Variants in SLC22A14 observed in about 807,000 individuals in gnomAD.
The protein encoded by SLC22A14 is organic cation transporter-like 4.
A neutral mutation model predicts 53.9 loss-of-function variants in SLC22A14; 50 were observed. The observed-to-expected ratio is 0.93, with a 90% CI of 0.74 to 1.17. The LOEUF (loss-of-function observed/expected upper bound fraction) is 1.17. Among genes scored for constraint, SLC22A14 ranks in the 50% most tolerant of loss-of-function variants. SLC22A14 has a pLI of 0.00. For missense variants in SLC22A14, 671 were observed against 734.7 expected (o/e 0.91, Z 1.00); for synonymous variants, 312 against 303.0 (o/e 1.03, Z -0.31).
In SLC22A14 at chr3:38,313,904, C is replaced by T; in HGVS notation, c.1341C>T (p.Ala447=). Residue 447 remains alanine (A), a synonymous_variant, in exon 8 of 11, where the codon GCC becomes GCT. Transcript: ENST00000448498. ...GCCTGGCTGTGACTCTCCTCCAAGC[C>T]ATCATCTGGTGCTTGCTTCTCCTTT... The part of the protein sequence containing the change: ...KWSLAVTLLQ[A]IIWCLLLLFL... 6.2e-7 allele frequency: 1 copy of T among 1,614,012 alleles called. No individual in the cohort carries two copies. The highest frequency in any genetic ancestry group is 1.3e-5 in the African/African-American group (1 of 75,006).
At chr3:38,301,936 T>C (rs1704168924) in intron 1 of SLC22A14, among the ~76,000 whole-genome samples, 1 of 151,586 alleles carries the variant, frequency 6.6e-6, no homozygotes, top group Non-Finnish European at 1.5e-5. Flanking sequence ...TATAAGTATT[T>C]ATATATTATC....
intron 1 of SLC22A14, among the ~76,000 whole-genome samples, chr3:38,296,585 G>A (rs113657841): frequency 0.036 from 5,345 of 150,438 alleles, 302 homozygotes; most frequent in African/African-American, 0.12. Flanking sequence ...CCAAGATGGT[G>A]GCAGGCCACT....
intron 8 of SLC22A14, among the ~76,000 whole-genome samples, chr3:38,314,743 G>A (rs1174931602): frequency 1.3e-5 from 2 of 152,248 alleles, no homozygotes; most frequent in African/African-American, 2.4e-5. Flanking sequence ...TGCTGGCAGT[G>A]TAGATTGGCT....
intron 1 of SLC22A14, among the ~76,000 whole-genome samples, chr3:38,301,045 C>T (rs1704148317): frequency 6.6e-6 from 1 of 152,102 alleles, no homozygotes; most frequent in African/African-American, 2.4e-5. Context: ...TCTTGAACTC[C>T]TGGCCTCAGG....
At position 38,315,664 on chromosome 3, in the gene SLC22A14, C is replaced by G; in HGVS notation, c.1485C>G (p.Val495=). 1 of 1,614,096 alleles carries G rather than the reference C, an allele frequency of 6.2e-7. No homozygotes were observed. The highest frequency in any genetic ancestry group is 8.5e-7 in the Non-Finnish European group (1 of 1,180,024). ...GAGAGTTCAGCCTGGCCGCCACTGT[C>G]ACTGTGTTCTTCCTCTACACCGCTG... ...MLREFSLAAT[V]TVFFLYTAEL... Residue 495 remains valine (V), a synonymous_variant, in exon 9 of 11, where the codon GTC becomes GTG. Transcript: ENST00000448498.
chr3:38,313,963 T>G lies in SLC22A14; in HGVS notation c.1378+22T>G, dbSNP rs559103205. 4 of 1,601,262 alleles carry G rather than the reference T, an allele frequency of 2.5e-6. No homozygotes were observed. The East Asian group carries it at 8.9e-5, about 36-fold the overall frequency. On this transcript the variant is annotated intron_variant, in intron 8 of 10. Coordinates refer to ENST00000448498, the MANE Select transcript of SLC22A14 (RefSeq NM_001320033.2). ...GAAGGTACAGCTCATCCTTCCCCTG[T>G]GGCCTGCCCACAGCCTTCCTGCTTC... is the stretch of plus-strand genomic sequence containing the variant.
At chr3:38,285,436 G>A (rs1004023235) in intron 1 of SLC22A14, among the ~76,000 whole-genome samples, 2 of 152,188 alleles carry the variant, frequency 1.3e-5, no homozygotes, top group Admixed American at 6.5e-5. Context: ...TCCCCTCAGA[G>A]ATGGTTTCCT....
Position 38,318,309 on chromosome 3 carries a change from T to A in SLC22A14, c.*60T>A. The A allele has an allele frequency of 6.9e-7, 1 of 1,456,906 alleles. No individual in the cohort carries two copies. The highest frequency in any genetic ancestry group is 9.6e-7 in the Non-Finnish European group (1 of 1,036,662). The allele number at this position is 1,456,906 out of a possible 1,614,324, so 90.2% of individuals were successfully genotyped here. A position where few individuals can be genotyped will look rare whatever the true frequency, so the allele number is the denominator to read the frequency against. ...ATCCTGAGATTGGACCCATACCCTGTCTCCAACCCTGCCTTGAAGCAATTC... is the reference window on the plus strand; with the variant it reads ...ATCCTGAGATTGGACCCATACCCTGACTCCAACCCTGCCTTGAAGCAATTC... On this transcript the variant is annotated 3_prime_UTR_variant, in exon 11 of 11. Transcript: ENST00000448498.
chr3:38,307,797 G>C lies in SLC22A14; in HGVS notation c.775+77G>C. 2 of 1,522,880 alleles carry C rather than the reference G, an allele frequency of 1.3e-6. No individual in the cohort carries two copies. The highest frequency in any genetic ancestry group is 2.7e-5 in the African/African-American group (2 of 73,408). The allele number at this position is 1,522,880 out of a possible 1,614,324, so 94.3% of individuals were successfully genotyped here. A position where few individuals can be genotyped will look rare whatever the true frequency, so the allele number is the denominator to read the frequency against. On this transcript the variant is annotated intron_variant, in intron 4 of 10. Coordinates refer to ENST00000448498, the MANE Select transcript of SLC22A14 (RefSeq NM_001320033.2). The surrounding 1 kb of genome is among the most constrained non-coding windows in gnomAD (Gnocchi z 4.4). The stretch of plus-strand genomic sequence containing the variant: ...CATAGGCGGGTGACAAGGGGACATA[G>C]TGGCAGGGGGCGTGGCGGCATAGGC...
At position 38,307,329 on chromosome 3, in the gene SLC22A14, T is replaced by C; in HGVS notation, c.592T>C (p.Ser198Pro). 1 of 1,613,826 alleles carries C rather than the reference T, an allele frequency of 6.2e-7. No homozygotes were observed. The highest frequency in any genetic ancestry group is 8.5e-7 in the Non-Finnish European group (1 of 1,179,714). The part of the protein sequence containing the change: ...IMFMAGLPIG[S>P]LIFRLITDKM... ...GTTCATGGCAGGGCTCCCGATAGGC[T>C]CTCTCATCTTCAGGCTCATAACTGA... The change falls in exon 3 of 11, where the codon TCT (serine) becomes CCT (proline). Residue 198 changes from serine (S) to proline (P), a missense_variant. Coordinates refer to ENST00000448498, the MANE Select transcript of SLC22A14 (RefSeq NM_001320033.2). The surrounding 1 kb of genome is among the most constrained non-coding windows in gnomAD (Gnocchi z 4.4).
chr3:38,288,544 A>G (rs1467071857), intron 1 of SLC22A14, among the ~76,000 whole-genome samples: 2 of 152,194 alleles, frequency 1.3e-5, no homozygotes, highest in East Asian at 1.9e-4. Context: ...TTACATTCCA[A>G]TACAAAAGGG....
Position 38,313,116 on chromosome 3 carries a change from C to T in SLC22A14, c.1062C>T (p.Asp354=), listed in dbSNP as rs368052165. 183 of 1,610,268 alleles carry T rather than the reference C, an allele frequency of 1.1e-4. No individual in the cohort carries two copies. Among genetic ancestry groups the T allele is most frequent in the East Asian group, 1.6e-4 (7 of 44,776 alleles). ...NKKTIPSNLL[D]ELQLPRKKVT... ...AGACCATTCCTTCAAATCTGCTGGA[C>T]GAGGTAAAGGGCTTCTGGCCAGGAG... Residue 354 remains aspartate (D), a synonymous_variant, in exon 6 of 11, where the codon GAC becomes GAT. Transcript: ENST00000448498.
chr3:38,296,409 C>A (rs1350272586), intron 1 of SLC22A14, among the ~76,000 whole-genome samples: 2 of 150,486 alleles, frequency 1.3e-5, no homozygotes, highest in African/African-American at 4.9e-5. Flanking sequence ...AGTCCGGCAG[C>A]CATGCTAATC....
intron 1 of SLC22A14, among the ~76,000 whole-genome samples, chr3:38,287,416 GTGT>G (rs1559542629): frequency 6.6e-6 from 1 of 152,042 alleles, no homozygotes; most frequent in African/African-American, 2.4e-5. Flanking sequence ...TCTATTAAAA[GTGT>G]TGTTCTTGAA....
At chr3:38,285,209 A>AC (rs1295374595) in intron 1 of SLC22A14, among the ~76,000 whole-genome samples, 1 of 152,148 alleles carries the variant, frequency 6.6e-6, no homozygotes, top group Non-Finnish European at 1.5e-5. Flanking sequence ...AACAGGGGAT[A>AC]CCCCCACCAC....
At chr3:38,282,137 G>A (rs1235713291), upstream of SLC22A14, among the ~76,000 whole-genome samples, 1 of 152,190 alleles carries the variant, frequency 6.6e-6, no homozygotes, top group African/African-American at 2.4e-5. Flanking sequence ...GACAGGGGCA[G>A]GGGGGTTCGT....
At chr3:38,286,667 C>G (rs1050098278) in intron 1 of SLC22A14, among the ~76,000 whole-genome samples, 2 of 151,570 alleles carry the variant, frequency 1.3e-5, no homozygotes, top group African/African-American at 4.8e-5. Context: ...CCACCTCGAC[C>G]TCCCAAAGTG....
At chr3:38,288,087 A>T (rs2125871165) in intron 1 of SLC22A14, among the ~76,000 whole-genome samples, 1 of 152,246 alleles carries the variant, frequency 6.6e-6, no homozygotes, top group East Asian at 1.9e-4. Context: ...CCTACTACAT[A>T]ATAACTCCCC....
At chr3:38,315,521 GGAGGGCTGA>G in intron 8 of SLC22A14, 28 bp from the exon 9 acceptor site, 1 of 1,598,662 alleles carries the variant, frequency 6.3e-7, no homozygotes, top group Non-Finnish European at 8.5e-7. Context: ...AGGGGTCAAG[GGAGGGCTGA>G]TGAGTGGAAC....
Sources: gnomAD v4.1 joint callset for allele counts (sites outside exome capture counted in the v4.1 genomes callset) on GRCh38, gnomAD v4.1.1 for gene constraint, Gnocchi (gnomAD v3.1) non-coding constraint, MANE v1.5 for transcripts, NCBI Gene and HGNC (gene_info 2026-07-23, HGNC 2026-07-21) for gene names.